The following PHF21B variants were observed in gnomAD, a reference collection of about 807,000 sequenced individuals.
PHF21B encodes the protein PHD finger protein 21B, also known as PHD finger protein 4.
In PHF21B, 22 loss-of-function variants were observed where a neutral mutation model predicts 62.2. That is an observed-to-expected ratio of 0.35 (90% CI 0.25 to 0.51). The LOEUF (loss-of-function observed/expected upper bound fraction) is 0.51. Ranked by LOEUF, PHF21B falls within the 20% of genes least tolerant of loss-of-function variation. The probability of loss-of-function intolerance (pLI) is 0.97; values close to 1 mark genes in which losing one functional copy is unlikely to be tolerated. For missense variants in PHF21B, 701 were observed against 707.9 expected (o/e 0.99, Z 0.11); for synonymous variants, 341 against 314.7 (o/e 1.08, Z -0.88).
intron 2 of PHF21B, among the ~76,000 whole-genome samples, chr22:44,999,281 A>G (rs921859528): frequency 6.6e-6 from 1 of 152,178 alleles, no homozygotes; most frequent in Non-Finnish European, 1.5e-5. Flanking sequence ...TCTCCACCTT[A>G]AACTATAAAA....
intron 2 of PHF21B, among the ~76,000 whole-genome samples, chr22:44,994,359 G>A (rs761576893): frequency 4.6e-5 from 7 of 152,222 alleles, no homozygotes; most frequent in Non-Finnish European, 7.3e-5. Flanking sequence ...AGACCCTGAG[G>A]TAAGACAGCC....
At chr22:44,902,889 T>G (rs1262817245) in intron 5 of PHF21B, among the ~76,000 whole-genome samples, 1 of 152,236 alleles carries the variant, frequency 6.6e-6, no homozygotes. Flanking sequence ...TACTGGAGAT[T>G]TGTAGCAGGT....
At chr22:44,907,800 T>G (rs1447985174) in intron 5 of PHF21B, among the ~76,000 whole-genome samples, 1 of 152,146 alleles carries the variant, frequency 6.6e-6, no homozygotes. Context: ...GGTGAAGCCA[T>G]GTCATAGGCC....
chr22:44,892,166 G>A (rs1409174748), intron 7 of PHF21B, among the ~76,000 whole-genome samples: 3 of 152,228 alleles, frequency 2.0e-5, no homozygotes, highest in Admixed American at 6.5e-5. Context: ...CTCCCTGTCT[G>A]GAGAACACAC....
At chr22:44,981,997 G>A (rs1365677962) in intron 2 of PHF21B, among the ~76,000 whole-genome samples, 4 of 152,216 alleles carry the variant, frequency 2.6e-5, no homozygotes, top group African/African-American at 7.2e-5. Flanking sequence ...CCCAGCCCTC[G>A]GCTGCCTCCC....
intron 2 of PHF21B, among the ~76,000 whole-genome samples, chr22:44,993,595 G>A (rs556467638): frequency 3.9e-5 from 6 of 152,382 alleles, no homozygotes; most frequent in African/African-American, 1.4e-4. Context: ...CCGCAAGGCA[G>A]TCAATCCCCA....
At chr22:44,996,881 C>A (rs1045733483) in intron 2 of PHF21B, among the ~76,000 whole-genome samples, 2 of 152,140 alleles carry the variant, frequency 1.3e-5, no homozygotes, top group Non-Finnish European at 2.9e-5. Flanking sequence ...TGCAGACGCA[C>A]ACAAGCATAC....
intron 7 of PHF21B, among the ~76,000 whole-genome samples, chr22:44,892,509 C>T (rs1024373574): frequency 7.9e-5 from 12 of 152,338 alleles, no homozygotes; most frequent in Non-Finnish European, 1.3e-4. Context: ...CAGACTAGCC[C>T]GCACCCTGGG....
intron 2 of PHF21B, among the ~76,000 whole-genome samples, chr22:44,931,725 G>A (rs568102658): frequency 7.2e-5 from 11 of 152,226 alleles, no homozygotes; most frequent in South Asian, 2.1e-4. Flanking sequence ...ACTTCTGCAC[G>A]GAAGTGGCAG....
At chr22:44,986,521 CAAAAAA>C (rs3063310) in intron 2 of PHF21B, among the ~76,000 whole-genome samples, 5 of 85,882 alleles carry the variant, frequency 5.8e-5, no homozygotes, top group African/African-American at 1.8e-4. Context: ...GATCTTATTT[CAAAAAA>C]AAAAAAAAAA....
At chr22:44,926,204 G>A (rs1460132829) in intron 2 of PHF21B, among the ~76,000 whole-genome samples, 1 of 151,742 alleles carries the variant, frequency 6.6e-6, no homozygotes, top group African/African-American at 2.4e-5. Flanking sequence ...CACATTCAGT[G>A]GCATGAAGGC....
intron 2 of PHF21B, among the ~76,000 whole-genome samples, chr22:44,957,672 C>A (rs926639946): frequency 1.3e-5 from 2 of 152,164 alleles, no homozygotes; most frequent in African/African-American, 4.8e-5. Context: ...TGCAAACACA[C>A]CAGGCATCAG....
At chr22:44,907,487 T>C (rs1041927404) in intron 5 of PHF21B, among the ~76,000 whole-genome samples, 3 of 152,170 alleles carry the variant, frequency 2.0e-5, no homozygotes, top group Non-Finnish European at 4.4e-5. Context: ...GGGCGTGGGA[T>C]GTACACGGCC....
chr22:44,986,389 G>A (rs1290287997), intron 2 of PHF21B, among the ~76,000 whole-genome samples: 1 of 150,206 alleles, frequency 6.7e-6, no homozygotes, highest in Admixed American at 6.6e-5. Flanking sequence ...CCATCACCAG[G>A]AGCACCACCA....
chr22:44,930,395 C>A (rs1377665257), intron 2 of PHF21B, among the ~76,000 whole-genome samples: 5 of 152,192 alleles, frequency 3.3e-5, no homozygotes, highest in Non-Finnish European at 1.5e-5. Flanking sequence ...TACTATAGGG[C>A]CCTTTGTATA....
intron 2 of PHF21B, among the ~76,000 whole-genome samples, chr22:44,950,436 C>T (rs2072170136): frequency 6.6e-6 from 1 of 152,220 alleles, no homozygotes; most frequent in South Asian, 2.1e-4. Flanking sequence ...TTAGCAGCAG[C>T]AGGCAGGATC....
At chr22:44,997,669 C>A (rs2073145005) in intron 2 of PHF21B, among the ~76,000 whole-genome samples, 1 of 152,226 alleles carries the variant, frequency 6.6e-6, no homozygotes, top group African/African-American at 2.4e-5. Context: ...TTTTCAGGTT[C>A]ATTTACATGT....
intron 2 of PHF21B, among the ~76,000 whole-genome samples, chr22:45,002,201 T>A (rs1264684489): frequency 6.6e-6 from 1 of 152,240 alleles, no homozygotes; most frequent in African/African-American, 2.4e-5. Context: ...ACTGTTGTAT[T>A]GACATATATC....
intron 2 of PHF21B, among the ~76,000 whole-genome samples, chr22:44,943,188 C>A (rs985159505): frequency 6.6e-6 from 1 of 152,260 alleles, no homozygotes. Context: ...AGCACCCGCT[C>A]CCCCAAGCCT....
Sources: gnomAD v4.1 joint callset for allele counts (sites outside exome capture counted in the v4.1 genomes callset) on GRCh38, gnomAD v4.1.1 for gene constraint, MANE v1.5 for transcripts, NCBI Gene and HGNC (gene_info 2026-07-23, HGNC 2026-07-21) for gene names.